DNAJC1: variants seen among roughly 807,000 people sequenced by gnomAD.
DNAJC1 encodes DnaJ heat shock protein family (Hsp40) member C1, also known as dnaJ homolog subfamily C member 1.
Under a neutral mutation model 76.6 loss-of-function variants are expected in DNAJC1, and 58 were observed. That is an observed-to-expected ratio of 0.76 (90% confidence interval 0.61 to 0.94). The LOEUF (loss-of-function observed/expected upper bound fraction) is 0.94. Ranked by LOEUF, DNAJC1 falls within the 40% of genes least tolerant of loss-of-function variation. The pLI is 0.00. For missense variants in DNAJC1, 689 were observed against 677.3 expected (o/e 1.02, Z -0.19); for synonymous variants, 258 against 267.9 (o/e 0.96, Z 0.36).
At chr10:21,826,989 C>G (rs546724875) in intron 8 of DNAJC1, among the ~76,000 whole-genome samples, 1 of 151,780 alleles carries the variant, frequency 6.6e-6, no homozygotes, top group African/African-American at 2.4e-5. Flanking sequence ...TTTTGGATCC[C>G]TTGAGATTCA....
At chr10:21,837,863 G>A (rs1371857423) in intron 8 of DNAJC1, among the ~76,000 whole-genome samples, 1 of 148,562 alleles carries the variant, frequency 6.7e-6, no homozygotes, top group East Asian at 2.0e-4. Context: ...CCCCGTCCGG[G>A]AGGGAGGTGG....
intron 1 of DNAJC1, among the ~76,000 whole-genome samples, chr10:21,966,332 ATACT>A (rs1250159297): frequency 1.3e-5 from 2 of 152,072 alleles, no homozygotes; most frequent in African/African-American, 4.8e-5. Context: ...TTCTGTGGGA[ATACT>A]TACTAAGTAT....
intron 1 of DNAJC1, among the ~76,000 whole-genome samples, chr10:21,958,267 A>G (rs1837725774): frequency 6.6e-6 from 1 of 152,164 alleles, no homozygotes; most frequent in Non-Finnish European, 1.5e-5. Flanking sequence ...ATGTATTTTT[A>G]ACAGCTTTAT....
At chr10:21,996,578 A>G (rs1838418740) in intron 1 of DNAJC1, among the ~76,000 whole-genome samples, 1 of 152,236 alleles carries the variant, frequency 6.6e-6, no homozygotes, top group South Asian at 2.1e-4. Flanking sequence ...AGCAGAAGCC[A>G]TTCCACTTTC....
chr10:22,003,143 C>CT, intron 1 of DNAJC1, 70 bp downstream of exon 1: 2 of 1,395,888 alleles, frequency 1.4e-6, no homozygotes, highest in Non-Finnish European at 1.9e-6. Flanking sequence ...CCGGCTGTCT[C>CT]TGAGGAACCG....
intron 9 of DNAJC1, among the ~76,000 whole-genome samples, chr10:21,781,080 C>G (rs541378477): frequency 1.3e-5 from 2 of 152,130 alleles, no homozygotes; most frequent in Non-Finnish European, 2.9e-5. Flanking sequence ...TTCAGGAGCA[C>G]CCAGATTCAT....
chr10:21,992,172 G>T (rs996739698), intron 1 of DNAJC1, among the ~76,000 whole-genome samples: 1 of 152,192 alleles, frequency 6.6e-6, no homozygotes, highest in Non-Finnish European at 1.5e-5. Context: ...TTAGCTGGGT[G>T]TGGTGGCATG....
intron 1 of DNAJC1, among the ~76,000 whole-genome samples, chr10:21,941,286 A>G (rs544751771): frequency 3.3e-5 from 5 of 149,548 alleles, no homozygotes; most frequent in Non-Finnish European, 7.4e-5. Context: ...AAAAAAAAAA[A>G]AAAAAACAGA....
At chr10:21,833,019 T>C (rs376657081) in intron 8 of DNAJC1, among the ~76,000 whole-genome samples, 2 of 152,228 alleles carry the variant, frequency 1.3e-5, no homozygotes, top group East Asian at 3.8e-4. Flanking sequence ...CTTCTAAATC[T>C]TTCATAAAAA....
chr10:21,769,968 G>A (rs1021357714), intron 9 of DNAJC1, among the ~76,000 whole-genome samples: 1 of 152,168 alleles, frequency 6.6e-6, no homozygotes, highest in African/African-American at 2.4e-5. Flanking sequence ...TTACAGGCGT[G>A]AGCCACTGCG....
intron 8 of DNAJC1, among the ~76,000 whole-genome samples, chr10:21,829,928 A>G (rs529126532): frequency 6.6e-6 from 1 of 152,324 alleles, no homozygotes; most frequent in South Asian, 2.1e-4. Flanking sequence ...TTGGCTTGGA[A>G]GTTCTACATT....
chr10:21,943,070 C>T (rs1335649819), intron 1 of DNAJC1, among the ~76,000 whole-genome samples: 3 of 151,104 alleles, frequency 2.0e-5, no homozygotes, highest in African/African-American at 7.3e-5. Context: ...GTTTAAATTA[C>T]AAATAGCCTA....
chr10:21,881,457 C>T (rs1001204141), intron 8 of DNAJC1, among the ~76,000 whole-genome samples: 1 of 152,118 alleles, frequency 6.6e-6, no homozygotes, highest in African/African-American at 2.4e-5. Flanking sequence ...GCAACTCTTC[C>T]TTCTACTTGA....
chr10:21,934,014 G>C (rs920527859), intron 1 of DNAJC1, among the ~76,000 whole-genome samples: 1 of 151,902 alleles, frequency 6.6e-6, no homozygotes. Context: ...ATTATAGAAG[G>C]AATAAAGTGT....
At chr10:21,898,874 G>T (rs185054356) in intron 7 of DNAJC1, among the ~76,000 whole-genome samples, 1 of 151,974 alleles carries the variant, frequency 6.6e-6, no homozygotes, top group East Asian at 1.9e-4. Flanking sequence ...TAGAAGCAGC[G>T]GCAGTCTACA....
intron 9 of DNAJC1, among the ~76,000 whole-genome samples, chr10:21,803,034 AT>A (rs1457949745): frequency 4.6e-5 from 7 of 152,144 alleles, no homozygotes; most frequent in Non-Finnish European, 1.0e-4. Context: ...GCTTAAAAAA[AT>A]ATTGCTTGTG....
chr10:21,860,044 A>G (rs1835896769), intron 8 of DNAJC1, among the ~76,000 whole-genome samples: 1 of 152,016 alleles, frequency 6.6e-6, no homozygotes, highest in South Asian at 2.1e-4. Flanking sequence ...CGGCCTCCCA[A>G]AGTGCTAGGA....
In DNAJC1 at chr10:21,866,775, A is replaced by C. The variant is rs907805688; in HGVS notation, c.978+15507T>G. On this transcript the variant is annotated intron_variant, in intron 8 of 11. Transcript: ENST00000376980. The stretch of plus-strand genomic sequence containing the variant: ...AAAACAGCTGACTACAGAGTAGTCC[A>C]TAAAGCCAGTGTCAACACAATTCAA... Among the ~76,000 whole-genome samples, 4 of 152,192 alleles carry C rather than the reference A, an allele frequency of 2.6e-5. No homozygotes were observed. The South Asian group carries it at 8.3e-4, about 31-fold the overall frequency.
At chr10:21,795,128 T>A (rs1351084568) in intron 9 of DNAJC1, among the ~76,000 whole-genome samples, 1 of 152,144 alleles carries the variant, frequency 6.6e-6, no homozygotes, top group Non-Finnish European at 1.5e-5. Context: ...AATTAAAATA[T>A]GGGCAAAAAT....
Sources: gnomAD v4.1 joint callset for allele counts (sites outside exome capture counted in the v4.1 genomes callset) on GRCh38, gnomAD v4.1.1 for gene constraint, MANE v1.5 for transcripts, NCBI Gene and HGNC (gene_info 2026-07-23, HGNC 2026-07-21) for gene names.